Variants in IDO2 observed in about 807,000 individuals in gnomAD.
The protein encoded by IDO2 is indoleamine 2,3-dioxygenase-like 1 protein.
In IDO2, 46 loss-of-function variants were observed where a neutral mutation model predicts 45.1. That is an observed-to-expected ratio of 1.02 (90% CI 0.80 to 1.30). The LOEUF (loss-of-function observed/expected upper bound fraction) is 1.30. Among genes scored for constraint, IDO2 ranks in the 50% most tolerant of loss-of-function variants. IDO2 has a pLI of 0.00. For synonymous variants in IDO2, 218 were observed against 184.9 expected, an observed-to-expected ratio of 1.18 and a Z score of -1.45; for missense variants, 544 against 491.8, an observed-to-expected ratio of 1.11 and a Z score of -1.00.
At chr8:39,991,794 C>T (rs1183851390) in intron 8 of IDO2, among the ~76,000 whole-genome samples, 1 of 152,164 alleles carries the variant, frequency 6.6e-6, no homozygotes, top group Non-Finnish European at 1.5e-5. Flanking sequence ...TGGTCTCGAA[C>T]TCCTGACCTC....
chr8:40,009,566 T>A (rs2129595496), intron 9 of IDO2, among the ~76,000 whole-genome samples: 1 of 152,242 alleles, frequency 6.6e-6, no homozygotes, highest in South Asian at 2.1e-4. Flanking sequence ...GGAAAATAGT[T>A]CCTCTTTTTT....
At chr8:39,989,911 G>C in intron 8 of IDO2, 73 bp downstream of exon 8, 9 of 920,488 alleles carry the variant, frequency 9.8e-6, no homozygotes, top group Non-Finnish European at 1.5e-5. Context: ...AGGGCCTGGG[G>C]ACCAGGCATG....
chr8:39,982,541 T>C (rs1297201332), intron 4 of IDO2, 111 bp from the exon 5 acceptor site: 4 of 683,770 alleles, frequency 5.8e-6, no homozygotes, highest in Non-Finnish European at 7.3e-6. Context: ...CAAGCTTGGT[T>C]CCCAGATCAT....
chr8:39,985,562 G>T, intron 6 of IDO2, 40 bp downstream of exon 6: 1 of 1,520,304 alleles, frequency 6.6e-7, no homozygotes, highest in Non-Finnish European at 8.9e-7. Context: ...TAGAATCCAG[G>T]CCAAATTTAA....
intron 1 of IDO2, among the ~76,000 whole-genome samples, chr8:39,946,771 G>A (rs1267123270): frequency 6.6e-6 from 1 of 152,186 alleles, no homozygotes; most frequent in Non-Finnish European, 1.5e-5. Context: ...TGTCTAGACA[G>A]TGGGCAAGGT....
chr8:40,005,353 G>C (rs757012108), exon 9 of IDO2: 1 of 1,581,910 alleles, frequency 6.3e-7, no homozygotes, highest in Non-Finnish European at 8.6e-7. Flanking sequence ...CATATTTTAT[G>C]CAGGCATCCG....
intron 6 of IDO2, chr8:39,986,589 T>G (rs1391183862): frequency 6.6e-6 from 1 of 152,138 alleles, no homozygotes; most frequent in East Asian, 1.9e-4. Context: ...GTAGATGTTT[T>G]ACTCCATTTA....
At chr8:39,988,191 A>T (rs2129594720) in intron 7 of IDO2, among the ~76,000 whole-genome samples, 1 of 152,264 alleles carries the variant, frequency 6.6e-6, no homozygotes, top group African/African-American at 2.4e-5. Flanking sequence ...CATTCAACAA[A>T]CAGGCATTGG....
intron 4 of IDO2, 140 bp from the exon 5 acceptor site, chr8:39,982,512 G>C: frequency 1.7e-6 from 1 of 597,186 alleles, no homozygotes; most frequent in East Asian, 2.8e-5. Context: ...GCATATGAAT[G>C]TGCATCACTC....
intron 3 of IDO2, among the ~76,000 whole-genome samples, chr8:39,977,222 A>G (rs1320718593): frequency 6.6e-6 from 1 of 152,240 alleles, no homozygotes; most frequent in African/African-American, 2.4e-5. Context: ...AGACAGTGAA[A>G]GATATTTGAA....
At chr8:40,000,214 C>T (rs780288841) in intron 8 of IDO2, among the ~76,000 whole-genome samples, 4 of 152,038 alleles carry the variant, frequency 2.6e-5, no homozygotes, top group Non-Finnish European at 5.9e-5. Context: ...GAGATTGAGA[C>T]CATCCTGGCC....
intron 3 of IDO2, among the ~76,000 whole-genome samples, chr8:39,975,205 G>A (rs555416130): frequency 2.1e-5 from 3 of 141,812 alleles, no homozygotes; most frequent in Admixed American, 7.3e-5. Flanking sequence ...TCACTCTGTC[G>A]CCCAGGCTGG....
At chr8:40,015,200 A>C in intron 10 of IDO2, 47 bp from the exon 11 acceptor site, 1 of 1,105,990 alleles carries the variant, frequency 9.0e-7, no homozygotes, top group Non-Finnish European at 1.3e-6. Context: ...GAGCTCTGCT[A>C]TATTTCCATG....
intron 8 of IDO2, among the ~76,000 whole-genome samples, chr8:39,998,699 G>C (rs564976270): frequency 6.9e-5 from 9 of 131,372 alleles, no homozygotes; most frequent in South Asian, 2.4e-4. Context: ...GGAGTGCAAT[G>C]CTATGATCTC....
intron 8 of IDO2, among the ~76,000 whole-genome samples, chr8:39,996,167 C>T (rs1200440450): frequency 1.3e-5 from 2 of 151,918 alleles, no homozygotes; most frequent in Non-Finnish European, 2.9e-5. Flanking sequence ...GAAGACTCTG[C>T]TCCACCACCT....
chr8:39,986,945 G>T (rs1299410127), intron 6 of IDO2: 1 of 151,640 alleles, frequency 6.6e-6, no homozygotes, highest in African/African-American at 2.4e-5. Context: ...TGTCATCTCG[G>T]CTCTCTGCAA....
chr8:40,000,446 C>T (rs1475411294), intron 8 of IDO2, among the ~76,000 whole-genome samples: 1 of 151,840 alleles, frequency 6.6e-6, no homozygotes, highest in African/African-American at 2.4e-5. Context: ...AGCATATTAT[C>T]ATGATATATT....
intron 7 of IDO2, among the ~76,000 whole-genome samples, chr8:39,988,857 G>A (rs1022884949): frequency 6.6e-6 from 1 of 152,126 alleles, no homozygotes; most frequent in Admixed American, 6.6e-5. Context: ...CATGTGTTTA[G>A]TCCATTAGAA....
intron 8 of IDO2, among the ~76,000 whole-genome samples, chr8:39,996,809 T>C (rs1320389192): frequency 6.6e-6 from 1 of 152,164 alleles, no homozygotes; most frequent in African/African-American, 2.4e-5. Flanking sequence ...TTACAAGCAC[T>C]AGAACTACAT....
Sources: gnomAD v4.1 joint callset for allele counts (sites outside exome capture counted in the v4.1 genomes callset) on GRCh38, gnomAD v4.1.1 for gene constraint, MANE v1.5 for transcripts, NCBI Gene and HGNC (gene_info 2026-07-23, HGNC 2026-07-21) for gene names.